Variants in FKTN observed in about 807,000 individuals in gnomAD.
FKTN encodes fukutin.
A neutral mutation model predicts 58.6 loss-of-function variants in FKTN; 47 were observed. The ratio of observed to expected loss-of-function variants is 0.80; its 90% CI spans 0.63 to 1.02. The LOEUF (loss-of-function observed/expected upper bound fraction) is 1.02. Among genes scored for constraint, FKTN ranks in the 50% least tolerant of loss-of-function variants. The probability of loss-of-function intolerance (pLI) is 0.00; values close to 1 mark genes in which losing one functional copy is unlikely to be tolerated. For synonymous variants in FKTN, 178 were observed against 191.9 expected (o/e 0.93, Z 0.60); for missense variants, 516 against 537.3 (o/e 0.96, Z 0.39).
In FKTN at chr9:105,626,981, C is replaced by CTTTTT. The variant is rs60710867; in HGVS notation, c.1172+6932_1172+6936dup. Reference sequence around the variant, plus strand: ...CCAATTTGTGCCTTTCTTCTTTATTCTTTTTTTTTTTTTTTTGAGACAGAG... The same window carrying CTTTTT: ...CCAATTTGTGCCTTTCTTCTTTATTCTTTTTTTTTTTTTTTTTTTTTGAGACAGAG... On this transcript the variant is annotated intron_variant, in intron 10 of 10. Transcript: ENST00000357998. Among the ~76,000 whole-genome samples, 870 of 127,990 alleles carry CTTTTT rather than the reference C, an allele frequency of 6.8e-3. 14 individuals are homozygous for CTTTTT. The highest frequency in any genetic ancestry group is 0.024 in the African/African-American group (820 of 33,618). The allele number at this position is 127,990 out of a possible 152,430, so 84.0% of individuals were successfully genotyped here. A position where few individuals can be genotyped will look rare whatever the true frequency, so the allele number is the denominator to read the frequency against.
intron 10 of FKTN, among the ~76,000 whole-genome samples, chr9:105,620,422 G>A (rs904460476): frequency 6.6e-6 from 1 of 152,112 alleles, no homozygotes; most frequent in East Asian, 1.9e-4. Context: ...TTTTCTGAAC[G>A]TAATCATTTT....
At chr9:105,568,935 T>C (rs548152978) in intron 1 of FKTN, among the ~76,000 whole-genome samples, 1 of 152,300 alleles carries the variant, frequency 6.6e-6, no homozygotes, top group African/African-American at 2.4e-5. Flanking sequence ...GTGGCACATA[T>C]ACACCATGAA....
intron 3 of FKTN, among the ~76,000 whole-genome samples, chr9:105,583,100 C>T (rs1253978071): frequency 2.6e-5 from 4 of 152,160 alleles, no homozygotes; most frequent in Non-Finnish European, 5.9e-5. Flanking sequence ...TTTAGCTTTT[C>T]TAGCCTCTAT....
Position 105,638,102 on chromosome 9 carries a change from T to C in FKTN, c.*2838T>C. 1 of 973,656 alleles carries C rather than the reference T, an allele frequency of 1.0e-6. No homozygotes were observed. The highest frequency in any genetic ancestry group is 1.2e-6 in the Non-Finnish European group (1 of 819,300). The allele number at this position is 973,656 out of a possible 1,614,324, so 60.3% of individuals were successfully genotyped here. A position where few individuals can be genotyped will look rare whatever the true frequency, so the allele number is the denominator to read the frequency against. ...TTTTTAAACCCTCTTATTTTATAACTAAATAAATAATCACAGAAAAGAATG... is the reference window on the plus strand; with the variant it reads ...TTTTTAAACCCTCTTATTTTATAACCAAATAAATAATCACAGAAAAGAATG... On this transcript the variant is annotated 3_prime_UTR_variant, in exon 11 of 11. Transcript: ENST00000357998.
chr9:105,627,614 A>C, intron 10 of FKTN, among the ~76,000 whole-genome samples: 1 of 152,166 alleles, frequency 6.6e-6, no homozygotes. Flanking sequence ...TGTCACTAGT[A>C]ATACTAGATT....
intron 10 of FKTN, among the ~76,000 whole-genome samples, chr9:105,632,747 A>G (rs547380294): frequency 5.9e-4 from 90 of 152,346 alleles, no homozygotes; most frequent in African/African-American, 2.0e-3. Flanking sequence ...GTGGTATGAA[A>G]TAGAAAATGG....
chr9:105,560,562 A>G (rs182221181), intron 1 of FKTN, among the ~76,000 whole-genome samples: 33 of 152,328 alleles, frequency 2.2e-4, no homozygotes, highest in Non-Finnish European at 4.1e-4. Context: ...AGAACCATGT[A>G]AAAATCACTC....
At chr9:105,618,696 C>T (rs911150067) in intron 9 of FKTN, among the ~76,000 whole-genome samples, 3 of 152,168 alleles carry the variant, frequency 2.0e-5, no homozygotes, top group African/African-American at 7.2e-5. Flanking sequence ...TTCCTATGCC[C>T]TAAGCCCATG....
At chr9:105,598,784 A>G (rs990508225) in intron 4 of FKTN, 1 of 152,150 alleles carries the variant, frequency 6.6e-6, no homozygotes, top group Non-Finnish European at 1.5e-5. Flanking sequence ...TGTGTTCATC[A>G]TATTTGTATT....
In FKTN at chr9:105,617,297, A is replaced by G. The variant is rs1401379015; in HGVS notation, c.911-662A>G. Among the ~76,000 whole-genome samples, 4 of 152,372 alleles carry G rather than the reference A, an allele frequency of 2.6e-5. No homozygotes were observed. The East Asian group carries it at 7.7e-4, about 29-fold the overall frequency. On this transcript the variant is annotated intron_variant, in intron 8 of 10. Coordinates refer to ENST00000357998, the MANE Select transcript of FKTN (RefSeq NM_001079802.2). ...TTTTATTTCTTCAGAACAGTGCTAT[A>G]GCAATGAATTAGAGCACATACGTGG...
intron 1 of FKTN, among the ~76,000 whole-genome samples, chr9:105,561,968 C>T (rs184176171): frequency 6.7e-5 from 10 of 149,938 alleles, no homozygotes; most frequent in Non-Finnish European, 8.9e-5. Context: ...CATTTTCAGA[C>T]GCATTTTCTC....
chr9:105,565,921 C>T lies in FKTN; in HGVS notation c.-180-7734C>T, dbSNP rs528722004. Reference sequence around the variant, plus strand: ...GAAGTAAAGCACTCCTCAGCAAATGCAAAAGAACAGAAATTATAACAAACT... The same window carrying T: ...GAAGTAAAGCACTCCTCAGCAAATGTAAAAGAACAGAAATTATAACAAACT... On this transcript the variant is annotated intron_variant, in intron 1 of 10. Coordinates refer to ENST00000357998, the MANE Select transcript of FKTN (RefSeq NM_001079802.2). 9.1e-3 allele frequency among the ~76,000 whole-genome samples: 1,376 copies of T among 152,006 alleles called. 22 individuals carry two copies. Among genetic ancestry groups the T allele is most frequent in the African/African-American group, 0.032 (1,318 of 41,466 alleles).
intron 1 of FKTN, among the ~76,000 whole-genome samples, chr9:105,566,308 A>G (rs992428304): frequency 6.6e-6 from 1 of 152,292 alleles, no homozygotes; most frequent in East Asian, 1.9e-4. Flanking sequence ...TCAGAGCGGA[A>G]CTGCAGGAGA....
chr9:105,627,734 G>A lies in FKTN; in HGVS notation c.1173-7317G>A, dbSNP rs1832908318. Among the ~76,000 whole-genome samples the A allele has an allele frequency of 2.0e-5, 3 of 151,970 alleles. No individual in the cohort carries two copies. The South Asian group carries it at 6.2e-4, about 32-fold the overall frequency. ...TCTGGAAATAATCTTCTCTTCCTCT[G>A]CATTTCTATAGATTTTCTTTTTCTT... On this transcript the variant is annotated intron_variant, in intron 10 of 10. Coordinates refer to ENST00000357998, the MANE Select transcript of FKTN (RefSeq NM_001079802.2).
intron 8 of FKTN, among the ~76,000 whole-genome samples, chr9:105,616,971 C>T (rs1830941161): frequency 6.6e-6 from 1 of 151,152 alleles, no homozygotes. Context: ...TAATGTGTGT[C>T]ATCAAAGACA....
intron 3 of FKTN, among the ~76,000 whole-genome samples, chr9:105,592,669 G>C (rs577258626): frequency 3.9e-5 from 6 of 152,194 alleles, no homozygotes; most frequent in African/African-American, 1.4e-4. Context: ...TCTTCTTCCA[G>C]GTACCCTAAA....
At chr9:105,611,882 G>A (rs1019122421) in intron 7 of FKTN, among the ~76,000 whole-genome samples, 1 of 151,960 alleles carries the variant, frequency 6.6e-6, no homozygotes, top group Non-Finnish European at 1.5e-5. Flanking sequence ...GGAATTGCTG[G>A]GTCAAACAGT....
intron 7 of FKTN, among the ~76,000 whole-genome samples, chr9:105,608,270 A>G (rs1156865015): frequency 1.3e-5 from 2 of 152,230 alleles, no homozygotes; most frequent in Non-Finnish European, 2.9e-5. Flanking sequence ...TTCTCAGTCC[A>G]AGTAGGATAA....
rs1422965157 is a variant in FKTN, at chr9:105,582,670, G to A, written c.105+7533G>A. 2.0e-5 allele frequency among the ~76,000 whole-genome samples: 3 copies of A among 152,070 alleles called. No homozygotes were observed. In the East Asian group the frequency reaches 5.8e-4, roughly 29 times the overall value. ...TTTTGATCTTGGCTGTTTATCCAAT[G>A]AATGTCTTTCTGTGACATCTTCAAC... On this transcript the variant is annotated intron_variant, in intron 3 of 10. Coordinates refer to ENST00000357998, the MANE Select transcript of FKTN (RefSeq NM_001079802.2).
Sources: allele counts gnomAD v4.1 joint callset (sites outside exome capture counted in the v4.1 genomes callset), GRCh38; gene constraint gnomAD v4.1.1; transcripts MANE v1.5; gene names NCBI Gene and HGNC (gene_info 2026-07-23, HGNC 2026-07-21).